ZNF385D: variants seen among roughly 807,000 people sequenced by gnomAD.
ZNF385D encodes the protein zinc finger protein 385D.
ZNF385D carries 15 observed loss-of-function variants against 35.8 expected under a neutral mutation model. The ratio of observed to expected loss-of-function variants is 0.42; its 90% CI spans 0.28 to 0.64. The LOEUF (loss-of-function observed/expected upper bound fraction) is 0.64, where lower values mean the gene tolerates loss of function less well. Ranked by LOEUF, ZNF385D falls within the 30% of genes least tolerant of loss-of-function variation. The probability of loss-of-function intolerance (pLI) is 0.23; values close to 1 mark genes in which losing one functional copy is unlikely to be tolerated. For synonymous variants in ZNF385D, 212 were observed against 186.8 expected, an observed-to-expected ratio of 1.13 and a Z score of -1.10; for missense variants, 474 against 494.6, an observed-to-expected ratio of 0.96 and a Z score of 0.39.
At chr3:21,464,626 C>A (rs1703389962) in intron 4 of ZNF385D, among the ~76,000 whole-genome samples, 1 of 152,116 alleles carries the variant, frequency 6.6e-6, no homozygotes, top group Non-Finnish European at 1.5e-5. Context: ...CTGTTAGAAG[C>A]TGCAGTTCAA....
At chr3:21,844,259 GT>G (rs1695860974) in intron 3 of ZNF385D, among the ~76,000 whole-genome samples, 1 of 151,846 alleles carries the variant, frequency 6.6e-6, no homozygotes, top group African/African-American at 2.4e-5. Context: ...TTTTATTGTG[GT>G]TTTGTTTCAT....
At chr3:21,662,965 T>C (rs1299485146) in intron 2 of ZNF385D, among the ~76,000 whole-genome samples, 3 of 152,184 alleles carry the variant, frequency 2.0e-5, no homozygotes, top group Non-Finnish European at 4.4e-5. Context: ...AGGCGTATTA[T>C]ATTATTAGTC....
At chr3:22,267,545 A>G (rs1214437940) in intron 2 of ZNF385D, among the ~76,000 whole-genome samples, 1 of 151,924 alleles carries the variant, frequency 6.6e-6, no homozygotes, top group Non-Finnish European at 1.5e-5. Flanking sequence ...TAGTCAAATC[A>G]ATATTTCTCA....
intron 1 of ZNF385D, among the ~76,000 whole-genome samples, chr3:21,705,449 C>A (rs1159384072): frequency 1.3e-5 from 2 of 152,176 alleles, no homozygotes; most frequent in Admixed American, 6.5e-5. Flanking sequence ...AAATTAGAAA[C>A]AACTAATTAA....
intron 2 of ZNF385D, among the ~76,000 whole-genome samples, chr3:22,244,016 A>G (rs1476151261): frequency 6.6e-6 from 1 of 150,944 alleles, no homozygotes; most frequent in Non-Finnish European, 1.5e-5. Flanking sequence ...TCAATTTAGT[A>G]ATCTCTTCAT....
At chr3:21,946,059 G>A (rs1208722398) in intron 3 of ZNF385D, among the ~76,000 whole-genome samples, 4 of 152,206 alleles carry the variant, frequency 2.6e-5, no homozygotes, top group South Asian at 2.1e-4. Flanking sequence ...TTAGCTGACC[G>A]CTGCTCAGGT....
intron 4 of ZNF385D, among the ~76,000 whole-genome samples, chr3:21,466,054 T>C (rs968257459): frequency 2.0e-5 from 3 of 152,202 alleles, no homozygotes; most frequent in Non-Finnish European, 2.9e-5. Flanking sequence ...CCCGATTTTG[T>C]CTAATACTGA....
intron 3 of ZNF385D, among the ~76,000 whole-genome samples, chr3:22,148,022 T>C (rs1234983333): frequency 4.6e-5 from 7 of 152,178 alleles, no homozygotes; most frequent in Non-Finnish European, 7.3e-5. Context: ...GCTTTATAAC[T>C]CCTTATTATA....
chr3:22,169,087 TG>T (rs1163023945), intron 2 of ZNF385D: 1 of 837,842 alleles, frequency 1.2e-6, no homozygotes, highest in East Asian at 1.2e-4. Context: ...TTTAGATTAC[TG>T]CATATTTATT....
chr3:22,248,883 G>A (rs1225252051), intron 2 of ZNF385D, among the ~76,000 whole-genome samples: 28 of 152,124 alleles, frequency 1.8e-4, no homozygotes, highest in Admixed American at 1.8e-3. Context: ...CATGAAGCCT[G>A]TGCATATTTT....
chr3:22,092,643 G>T (rs1325015022), intron 3 of ZNF385D, among the ~76,000 whole-genome samples: 1 of 152,074 alleles, frequency 6.6e-6, no homozygotes, highest in Admixed American at 6.6e-5. Flanking sequence ...CTTATGGGTA[G>T]TGGCCCCTAT....
At chr3:21,437,714 A>AAAAAAAAAAAAAAAAAAC (rs1701640434) in intron 4 of ZNF385D, among the ~76,000 whole-genome samples, 1 of 149,024 alleles carries the variant, frequency 6.7e-6, no homozygotes, top group Non-Finnish European at 1.5e-5. Context: ...AAAAAAAAAA[A>AAAAAAAAAAAAAAAAAAC]AAAAACCGGA....
At chr3:22,117,771 A>C (rs1702885599) in intron 3 of ZNF385D, among the ~76,000 whole-genome samples, 1 of 152,064 alleles carries the variant, frequency 6.6e-6, no homozygotes, top group South Asian at 2.1e-4. Flanking sequence ...TCCCAATAAA[A>C]GAAGAAATTA....
chr3:22,349,257 C>T (rs1287425136), intron 2 of ZNF385D, among the ~76,000 whole-genome samples: 3 of 152,248 alleles, frequency 2.0e-5, no homozygotes, highest in South Asian at 2.1e-4. Flanking sequence ...TGAATAGTAG[C>T]AGCAGCAGAA....
At chr3:21,494,346 A>G (rs537306906) in intron 4 of ZNF385D, among the ~76,000 whole-genome samples, 278 of 152,286 alleles carry the variant, frequency 1.8e-3, no homozygotes, top group Non-Finnish European at 2.8e-3. Flanking sequence ...ACAGGGTCTT[A>G]TGTGTAAAGA....
chr3:21,950,149 T>A (rs1453710542), intron 3 of ZNF385D, among the ~76,000 whole-genome samples: 2 of 151,788 alleles, frequency 1.3e-5, no homozygotes, highest in African/African-American at 2.4e-5. Flanking sequence ...TCTACAATGG[T>A]TGAACTAATT....
chr3:21,776,384 A>C (rs1462011126), intron 3 of ZNF385D, among the ~76,000 whole-genome samples: 1 of 151,970 alleles, frequency 6.6e-6, no homozygotes, highest in African/African-American at 2.4e-5. Context: ...ATCACATCAC[A>C]TGAGCGCCGT....
intron 3 of ZNF385D, among the ~76,000 whole-genome samples, chr3:21,816,034 A>T (rs921485673): frequency 7.9e-5 from 12 of 152,208 alleles, no homozygotes; most frequent in African/African-American, 2.9e-4. Context: ...AACATATGAA[A>T]ATCAATAAAT....
chr3:21,813,117 C>G (rs1326919680), intron 3 of ZNF385D, among the ~76,000 whole-genome samples: 1 of 152,184 alleles, frequency 6.6e-6, no homozygotes, highest in African/African-American at 2.4e-5. Context: ...CTCCAACAGA[C>G]CTGCAGCTGA....
Sources: allele counts gnomAD v4.1 joint callset (sites outside exome capture counted in the v4.1 genomes callset), GRCh38; gene constraint gnomAD v4.1.1; transcripts MANE v1.5; gene names NCBI Gene and HGNC (gene_info 2026-07-23, HGNC 2026-07-21).